The following MAGI2 variants were observed in gnomAD, a reference collection of about 807,000 sequenced individuals.
MAGI2 encodes membrane associated guanylate kinase, WW and PDZ domain containing 2, also known as membrane-associated guanylate kinase, WW and PDZ domain-containing protein 2.
Under a neutral mutation model 133.3 loss-of-function variants are expected in MAGI2, and 35 were observed. The observed-to-expected ratio is 0.26, with a 90% CI of 0.20 to 0.35. The LOEUF (loss-of-function observed/expected upper bound fraction) is 0.35, where lower values mean the gene tolerates loss of function less well. Ranked by LOEUF, MAGI2 falls within the 10% of genes least tolerant of loss-of-function variation. The pLI is 1.00. For synonymous variants in MAGI2, 729 were observed against 710.6 expected, an observed-to-expected ratio of 1.03 and a Z score of -0.41; for missense variants, 1,636 against 1,863.4, an observed-to-expected ratio of 0.88 and a Z score of 2.25.
intron 6 of MAGI2, chr7:78,487,173 G>GAAA: frequency 6.7e-6 from 1 of 148,456 alleles, no homozygotes; most frequent in Admixed American, 6.8e-5. Context: ...AGCAGGATGG[G>GAAA]GAAAAAAAAA....
intron 3 of MAGI2, among the ~76,000 whole-genome samples, chr7:78,587,032 G>A (rs765957594): frequency 3.3e-5 from 5 of 152,134 alleles, no homozygotes; most frequent in Non-Finnish European, 7.3e-5. Flanking sequence ...ATGCTGCTAT[G>A]AACACGGGGG....
chr7:78,499,055 A>AAACAACAACAACAACAAC (rs147914906), intron 5 of MAGI2, among the ~76,000 whole-genome samples: 75 of 150,480 alleles, frequency 5.0e-4, no homozygotes, highest in South Asian at 2.9e-3. Context: ...CTACAAACTC[A>AAACAACAACAACAACAAC]AACAACAACA....
intron 2 of MAGI2, among the ~76,000 whole-genome samples, chr7:78,998,749 G>A (rs1204867237): frequency 6.6e-6 from 1 of 152,086 alleles, no homozygotes; most frequent in African/African-American, 2.4e-5. Context: ...AGTCCCATAA[G>A]AACACTGTTA....
intron 1 of MAGI2, among the ~76,000 whole-genome samples, chr7:79,245,639 A>C (rs1437815175): frequency 6.6e-6 from 1 of 152,106 alleles, no homozygotes; most frequent in South Asian, 2.1e-4. Context: ...GTAGCTTCCT[A>C]AGGTTTCTGA....
chr7:78,883,735 TA>T (rs979277870), intron 2 of MAGI2, among the ~76,000 whole-genome samples: 1 of 151,678 alleles, frequency 6.6e-6, no homozygotes, highest in Non-Finnish European at 1.5e-5. Context: ...TGCTAAAGTA[TA>T]AAAAAAAGCA....
Position 79,168,885 on chromosome 7 carries a change from GATAGATATATATATATATAT to G in MAGI2, c.302-161699_302-161680del, listed in dbSNP as rs1252244392. Among the ~76,000 whole-genome samples, 170 of 138,850 alleles carry G rather than the reference GATAGATATATATATATATAT, an allele frequency of 1.2e-3. 2 individuals carry two copies. Among genetic ancestry groups the G allele is most frequent in the African/African-American group, 4.8e-3 (164 of 34,468 alleles). 91.1% of individuals were successfully genotyped at this position (138,850 alleles called of 152,430 possible). ...TGTCTGCCAGGTTTTTCTTTCTAAA[GATAGATATATATATATATAT>G]ATATATATATATATATATATATATA... is the stretch of plus-strand genomic sequence containing the variant. On this transcript the variant is annotated intron_variant, in intron 1 of 21. Transcript: ENST00000354212.
At chr7:79,361,691 A>G (rs1842387964) in intron 1 of MAGI2, among the ~76,000 whole-genome samples, 1 of 152,222 alleles carries the variant, frequency 6.6e-6, no homozygotes, top group Non-Finnish European at 1.5e-5. Flanking sequence ...TATGGGTTAT[A>G]AAACAAATGT....
At chr7:78,258,780 C>T (rs904743061) in intron 9 of MAGI2, among the ~76,000 whole-genome samples, 41 of 152,200 alleles carry the variant, frequency 2.7e-4, no homozygotes, top group African/African-American at 9.6e-4. Flanking sequence ...GATTAGTTTT[C>T]ATTGTAATAC....
intron 1 of MAGI2, among the ~76,000 whole-genome samples, chr7:79,181,713 T>C (rs2191812): frequency 0.066 from 10,036 of 152,038 alleles, 803 homozygotes; most frequent in African/African-American, 0.16. Flanking sequence ...TCTTTTCTGT[T>C]GCATTGTCAG....
chr7:78,219,147 A>G (rs1452634749), intron 10 of MAGI2, among the ~76,000 whole-genome samples: 1 of 152,076 alleles, frequency 6.6e-6, no homozygotes. Flanking sequence ...TTCACTCCTG[A>G]GTCCTTATTT....
At chr7:79,071,304 G>A (rs1370689768) in intron 1 of MAGI2, among the ~76,000 whole-genome samples, 3 of 152,198 alleles carry the variant, frequency 2.0e-5, no homozygotes, top group Admixed American at 6.5e-5. Context: ...ATTGCTGGAT[G>A]TTCCTTACTC....
intron 1 of MAGI2, among the ~76,000 whole-genome samples, chr7:79,314,837 A>C (rs984489605): frequency 6.6e-6 from 1 of 152,188 alleles, no homozygotes; most frequent in African/African-American, 2.4e-5. Flanking sequence ...GAAAAGTTTT[A>C]GCTATGGGAC....
At chr7:79,195,460 G>A (rs984695770) in intron 1 of MAGI2, among the ~76,000 whole-genome samples, 2 of 152,024 alleles carry the variant, frequency 1.3e-5, no homozygotes, top group Non-Finnish European at 2.9e-5. Context: ...AACACTTGTG[G>A]TGAAAGTGTG....
intron 9 of MAGI2, among the ~76,000 whole-genome samples, chr7:78,328,823 G>A (rs1788871197): frequency 6.6e-6 from 1 of 151,960 alleles, no homozygotes; most frequent in African/African-American, 2.4e-5. Flanking sequence ...AGTCAGATAA[G>A]AAAATACAAA....
At chr7:78,610,525 T>C (rs1264400847) in intron 3 of MAGI2, among the ~76,000 whole-genome samples, 3 of 152,348 alleles carry the variant, frequency 2.0e-5, no homozygotes, top group South Asian at 2.1e-4. Flanking sequence ...GAGATGTTAA[T>C]AGAGCTCCAT....
At chr7:78,999,516 G>A (rs547660075) in intron 2 of MAGI2, among the ~76,000 whole-genome samples, 2 of 152,146 alleles carry the variant, frequency 1.3e-5, no homozygotes, top group East Asian at 1.9e-4. Flanking sequence ...TTGTTTAATC[G>A]AAAGAAGAAA....
chr7:78,784,713 T>A (rs1826667716), intron 2 of MAGI2, among the ~76,000 whole-genome samples: 1 of 152,220 alleles, frequency 6.6e-6, no homozygotes, highest in Non-Finnish European at 1.5e-5. Context: ...TCTACATGGA[T>A]GTCTATTCTT....
In MAGI2 at chr7:79,164,008, C is replaced by T. The variant is rs145880549; in HGVS notation, c.302-156802G>A. On this transcript the variant is annotated intron_variant, in intron 1 of 21. Transcript: ENST00000354212. Reference sequence around the variant, plus strand: ...CTATTACATCAGGTCAGGGCATGTCCTCCTGCCATTATCCAAATTGCTGCT... The same window carrying T: ...CTATTACATCAGGTCAGGGCATGTCTTCCTGCCATTATCCAAATTGCTGCT... 2.3e-3 allele frequency among the ~76,000 whole-genome samples: 343 copies of T among 152,122 alleles called. 1 individual carries two copies. The highest frequency in any genetic ancestry group is 7.6e-3 in the African/African-American group (316 of 41,520).
At chr7:78,873,017 A>G (rs1795156155) in intron 2 of MAGI2, among the ~76,000 whole-genome samples, 1 of 152,190 alleles carries the variant, frequency 6.6e-6, no homozygotes, top group Admixed American at 6.5e-5. Flanking sequence ...ATAAATTTCT[A>G]TTTCAAAATT....
Sources: gnomAD v4.1 joint callset for allele counts (sites outside exome capture counted in the v4.1 genomes callset) on GRCh38, gnomAD v4.1.1 for gene constraint, MANE v1.5 for transcripts, NCBI Gene and HGNC (gene_info 2026-07-23, HGNC 2026-07-21) for gene names.